Variants in ACACA observed in about 807,000 individuals in gnomAD.
The protein encoded by ACACA is acetyl-CoA carboxylase alpha.
ACACA carries 103 observed loss-of-function variants against 296.1 expected under a neutral mutation model. The observed-to-expected ratio is 0.35, with a 90% CI of 0.30 to 0.41. ACACA has a LOEUF of 0.41. Ranked by LOEUF, ACACA falls within the 10% of genes least tolerant of loss-of-function variation. The pLI, the probability that ACACA is intolerant of heterozygous loss-of-function variation, is 1.00. For missense variants in ACACA, 1,554 were observed against 2,989.7 expected, an observed-to-expected ratio of 0.52 and a Z score of 11.20; for synonymous variants, 953 against 1,038.6, an observed-to-expected ratio of 0.92 and a Z score of 1.58.
chr17:37,193,404 A>T lies in ACACA; in HGVS notation c.4170T>A (p.Pro1390=), dbSNP rs778160660. ...CCCTTGCTCGGAATGTAAAAAATTT[A>T]GGGAATTCTCTCTGTATTAAAGAAG... The part of the protein sequence containing the change: ...EVDRRFHREF[P]KFFTFRARDK... Residue 1390 remains proline (P), a synonymous_variant, in exon 36 of 56, where the codon CCT becomes CCA. Coordinates refer to ENST00000616317, the MANE Select transcript of ACACA (RefSeq NM_198834.3). 6.2e-7 allele frequency: 1 copy of T among 1,602,178 alleles called. No individual in the cohort carries two copies. The highest frequency in any genetic ancestry group is 1.1e-5 in the South Asian group (1 of 90,770).
rs549120307 is a variant in ACACA, at chr17:37,228,036, C to T, written c.3247-1584G>A. Among the ~76,000 whole-genome samples, 4 of 152,120 alleles carry T rather than the reference C, an allele frequency of 2.6e-5. No homozygotes were observed. The South Asian group carries it at 8.3e-4, about 32-fold the overall frequency. ...TTTCTTGAAGAATTTCTATTTCATA[C>T]TTAACCTTCCCCATCTCAGGGATAC... On this transcript the variant is annotated intron_variant, in intron 25 of 55. Transcript: ENST00000616317.
intron 26 of ACACA, among the ~76,000 whole-genome samples, chr17:37,225,880 T>C (rs901598396): frequency 2.6e-5 from 4 of 152,220 alleles, no homozygotes; most frequent in African/African-American, 9.6e-5. Flanking sequence ...TGAAACTAAC[T>C]GGACTTCTCT....
At chr17:37,278,507 T>C (rs1422166700) in intron 5 of ACACA, among the ~76,000 whole-genome samples, 1 of 152,208 alleles carries the variant, frequency 6.6e-6, no homozygotes, top group East Asian at 1.9e-4. Context: ...GGAAAGAGTT[T>C]ATCTGGAATA....
chr17:37,248,075 C>T lies in ACACA; in HGVS notation c.2245G>A (p.Gly749Ser), dbSNP rs1179188931. ...VEVDVHRLSDGGLLLSYDGSS... is the reference protein window; with the variant it reads ...VEVDVHRLSDSGLLLSYDGSS... The stretch of plus-strand genomic sequence containing the variant: ...CCATCATAGGACAAGAGCAGTCCAC[C>T]GTCACTCAGCCGATGTACATCTACT... The change falls in exon 18 of 56, where the codon GGT becomes AGT. Residue 749 changes from glycine to serine, a missense_variant. Coordinates refer to ENST00000616317, the MANE Select transcript of ACACA (RefSeq NM_198834.3). 3.1e-6 allele frequency: 5 copies of T among 1,613,962 alleles called. No individual in the cohort carries two copies. Among genetic ancestry groups the T allele is most frequent in the South Asian group, 2.2e-5 (2 of 91,082 alleles).
At chr17:37,321,568 A>C (rs983367039) in intron 3 of ACACA, among the ~76,000 whole-genome samples, 1 of 151,904 alleles carries the variant, frequency 6.6e-6, no homozygotes, top group African/African-American at 2.4e-5. Flanking sequence ...GCTAACACAG[A>C]GAAACCCCGT....
intron 26 of ACACA, chr17:37,225,343 TA>T (rs2079493866): frequency 2.1e-6 from 1 of 479,354 alleles, no homozygotes; most frequent in Admixed American, 3.3e-5. Flanking sequence ...CCATGGTGGG[TA>T]GGGGGAAGGG....
In ACACA at chr17:37,108,668, G is replaced by C. The variant is rs374157496; in HGVS notation, c.6565+2863C>G. Reference sequence around the variant, plus strand: ...CTCCTAAAGTGCTGGGATTACAGGCGTGAGCCACCGTGCCCGGAGTAATTA... The same window carrying C: ...CTCCTAAAGTGCTGGGATTACAGGCCTGAGCCACCGTGCCCGGAGTAATTA... On this transcript the variant is annotated intron_variant, in intron 52 of 55. Coordinates refer to ENST00000616317, the MANE Select transcript of ACACA (RefSeq NM_198834.3). Among the ~76,000 whole-genome samples, 5 of 152,274 alleles carry C rather than the reference G, an allele frequency of 3.3e-5. No individual in the cohort carries two copies. The East Asian group carries it at 7.7e-4, about 23-fold the overall frequency.
Position 37,150,422 on chromosome 17 carries a change from A to C in ACACA, c.5569-448T>G, listed in dbSNP as rs575426593. Among the ~76,000 whole-genome samples, 8 of 151,970 alleles carry C rather than the reference A, an allele frequency of 5.3e-5. No individual in the cohort carries two copies. The South Asian group carries it at 1.7e-3, about 32-fold the overall frequency. On this transcript the variant is annotated intron_variant, in intron 44 of 55. Transcript: ENST00000616317. ...CCGGGCGTCATGGCACGTGCCTGTA[A>C]TCCCAGCTACTCGGGAGGCCAAGGC...
At position 37,113,945 on chromosome 17, in the gene ACACA, A is replaced by T. The variant is rs989850989; in HGVS notation, c.6275-680T>A. ...AGGGTATCAATGAGAGAAAAATTTT[A>T]AAAATACTTAGGAAATACCACACAG... On this transcript the variant is annotated intron_variant, in intron 50 of 55. Transcript: ENST00000616317. The surrounding 1 kb of genome is among the most constrained non-coding windows in gnomAD (Gnocchi z 4.0). 1.3e-5 allele frequency among the ~76,000 whole-genome samples: 2 copies of T among 152,208 alleles called. No individual in the cohort carries two copies. The highest frequency in any genetic ancestry group is 4.8e-5 in the African/African-American group (2 of 41,458).
intron 25 of ACACA, among the ~76,000 whole-genome samples, chr17:37,228,051 C>T (rs1340550829): frequency 6.6e-6 from 1 of 151,986 alleles, no homozygotes; most frequent in Non-Finnish European, 1.5e-5. Context: ...CCTTCCCCAT[C>T]TCAGGGATAC....
chr17:37,143,743 C>A, intron 45 of ACACA: 1 of 920,430 alleles, frequency 1.1e-6, no homozygotes. Flanking sequence ...CCTCATCTTC[C>A]TTGTTTTTCT....
At chr17:37,121,534 C>CA (rs781288529) in intron 49 of ACACA, 44 bp from the exon 50 acceptor site, 1 of 1,612,558 alleles carries the variant, frequency 6.2e-7, no homozygotes, top group Non-Finnish European at 8.5e-7. Context: ...AACACAGCTC[C>CA]AGGGGGAAAT....
At chr17:37,190,295 GGCACATGCCTAT>G (rs2077700215) in intron 38 of ACACA, among the ~76,000 whole-genome samples, 1 of 152,048 alleles carries the variant, frequency 6.6e-6, no homozygotes, top group African/African-American at 2.4e-5. Context: ...CGGGCGTGGT[GGCACATGCCTAT>G]AGTCCCTGCT....
intron 39 of ACACA, among the ~76,000 whole-genome samples, chr17:37,183,754 T>C (rs2077414555): frequency 1.3e-5 from 2 of 148,458 alleles, no homozygotes; most frequent in African/African-American, 5.0e-5. Context: ...ATCGTGCTAC[T>C]GCACTCCAGC....
chr17:37,200,821 A>G (rs999273871), intron 33 of ACACA, among the ~76,000 whole-genome samples: 5 of 152,252 alleles, frequency 3.3e-5, no homozygotes, highest in African/African-American at 9.6e-5. Context: ...ACTGTTGGGC[A>G]TGTATTCAAA....
rs184116130 is a variant in ACACA, at chr17:37,297,636, G to T, written c.339-12666C>A. 1.3e-4 allele frequency among the ~76,000 whole-genome samples: 19 copies of T among 151,650 alleles called. No individual in the cohort carries two copies. In the East Asian group the frequency reaches 3.5e-3, roughly 28 times the overall value. On this transcript the variant is annotated intron_variant, in intron 3 of 55. Transcript: ENST00000616317. ...CTGCTCACTGCAAATTCTGCCTCCTGGGTTTGCTCGATCAAGCAATTCTCC... is the reference window on the plus strand; with the variant it reads ...CTGCTCACTGCAAATTCTGCCTCCTTGGTTTGCTCGATCAAGCAATTCTCC...
At chr17:37,123,470 T>C (rs1308244777) in intron 48 of ACACA, among the ~76,000 whole-genome samples, 1 of 152,212 alleles carries the variant, frequency 6.6e-6, no homozygotes, top group African/African-American at 2.4e-5. Flanking sequence ...AGGGTGAGTC[T>C]TTACTCTGGA....
In ACACA at chr17:37,171,706, C is replaced by A. The variant is rs543959574; in HGVS notation, c.5079+7554G>T. On this transcript the variant is annotated intron_variant, in intron 41 of 55. Transcript: ENST00000616317. Reference sequence around the variant, plus strand: ...TAACTTAGAGCAAAAAATTTTCATCCCAGAGGTAATTCTTTGAAAATGTTA... The same window carrying A: ...TAACTTAGAGCAAAAAATTTTCATCACAGAGGTAATTCTTTGAAAATGTTA... Among the ~76,000 whole-genome samples the A allele has an allele frequency of 3.1e-3, 474 of 151,992 alleles. 3 individuals carry two copies. The highest frequency in any genetic ancestry group is 0.011 in the African/African-American group (439 of 41,408).
At chr17:37,091,886 G>C (rs955608144) in intron 54 of ACACA, among the ~76,000 whole-genome samples, 2 of 152,092 alleles carry the variant, frequency 1.3e-5, no homozygotes, top group Non-Finnish European at 2.9e-5. Context: ...AGAGCCTACA[G>C]TTTCTTGTTT....
Sources: allele counts gnomAD v4.1 joint callset (sites outside exome capture counted in the v4.1 genomes callset), GRCh38; gene constraint gnomAD v4.1.1; non-coding constraint Gnocchi (gnomAD v3.1); transcripts MANE v1.5; gene names NCBI Gene and HGNC (gene_info 2026-07-23, HGNC 2026-07-21).